Variants in PCNT observed in about 807,000 individuals in gnomAD.
PCNT encodes pericentrin, also known as kendrin.
In PCNT, 319 loss-of-function variants were observed where a neutral mutation model predicts 380.4. That is an observed-to-expected ratio of 0.84 (90% CI 0.77 to 0.92). The LOEUF is 0.92. Ranked by LOEUF, PCNT falls within the 40% of genes least tolerant of loss-of-function variation. The pLI, the probability that PCNT is intolerant of heterozygous loss-of-function variation, is 0.00. For synonymous variants in PCNT, 1,845 were observed against 1,735.2 expected (o/e 1.06, Z -1.57); for missense variants, 4,400 against 4,255.3 (o/e 1.03, Z -0.95).
At chr21:46,417,254 C>G (rs546312844) in intron 30 of PCNT, among the ~76,000 whole-genome samples, 1 of 126,732 alleles carries the variant, frequency 7.9e-6, no homozygotes, top group Non-Finnish European at 1.6e-5. Flanking sequence ...AGTGCAGTGA[C>G]GCAATCTCGG....
At chr21:46,341,628 A>T (rs1334058875) in intron 3 of PCNT, among the ~76,000 whole-genome samples, 9 of 151,910 alleles carry the variant, frequency 5.9e-5, no homozygotes, top group Admixed American at 5.9e-4. Context: ...CGGCCTCCCA[A>T]AGTGCTGGGA....
At chr21:46,329,594 C>CA (rs2083491464) in intron 2 of PCNT, among the ~76,000 whole-genome samples, 1 of 152,172 alleles carries the variant, frequency 6.6e-6, no homozygotes, top group South Asian at 2.1e-4. Flanking sequence ...TGCACACGCA[C>CA]ACTCACTGCA....
chr21:46,441,667 C>T (rs918879910), intron 43 of PCNT, among the ~76,000 whole-genome samples: 10 of 152,162 alleles, frequency 6.6e-5, no homozygotes, highest in African/African-American at 1.9e-4. Flanking sequence ...AGGCCTCCAC[C>T]GTCCATCCTT....
In PCNT at chr21:46,430,044, G is replaced by C; in HGVS notation, c.7725G>C (p.Lys2575Asn). The C allele has an allele frequency of 3.7e-6, 6 of 1,614,232 alleles. No homozygotes were observed. Among genetic ancestry groups the C allele is most frequent in the African/African-American group, 2.7e-5 (2 of 75,064 alleles). The stretch of plus-strand genomic sequence containing the variant: ...TGGCTTATAAAGTAGAGCAGGAGAA[G>C]TGCATTGCTGGTGACTTGCAGAAGA... ...ELLAYKVEQE[K>N]CIAGDLQKTL... Residue 2575 changes from lysine (K) to asparagine (N), a missense_variant, in exon 36 of 47, where the codon AAG (lysine) becomes AAC (asparagine). Transcript: ENST00000359568.
chr21:46,348,970 A>G (rs1336927275), intron 6 of PCNT, 42 bp from the exon 7 acceptor site: 2 of 1,291,678 alleles, frequency 1.5e-6, no homozygotes, highest in Non-Finnish European at 2.2e-6. Flanking sequence ...TTTAGCACAG[A>G]TAATCAACTA....
At chr21:46,378,915 A>C (rs1468376060) in intron 15 of PCNT, among the ~76,000 whole-genome samples, 1 of 151,928 alleles carries the variant, frequency 6.6e-6, no homozygotes. Flanking sequence ...TGTCTTTTAA[A>C]CCAGGAGGAA....
chr21:46,418,487 A>G (rs2087118958), intron 31 of PCNT, among the ~76,000 whole-genome samples, 181 bp downstream of exon 31: 1 of 152,116 alleles, frequency 6.6e-6, no homozygotes, highest in Non-Finnish European at 1.5e-5. Context: ...ACACGCCTGT[A>G]CCTTTCACAG....
At chr21:46,436,945 G>T (rs79780811) in intron 39 of PCNT, 34 bp from the exon 40 acceptor site, 4 of 1,445,786 alleles carry the variant, frequency 2.8e-6, no homozygotes, top group South Asian at 1.1e-5. Context: ...CTTGGGGCGC[G>T]TATGCAACTT....
intron 31 of PCNT, among the ~76,000 whole-genome samples, chr21:46,421,404 C>T (rs77912328): frequency 0.036 from 5,454 of 152,300 alleles, 149 homozygotes; most frequent in Middle Eastern, 0.082. Flanking sequence ...GCGCCCCCCT[C>T]CCTGTGGGCT....
At chr21:46,387,289 C>T (rs2085870706) in intron 17 of PCNT, among the ~76,000 whole-genome samples, 1 of 152,152 alleles carries the variant, frequency 6.6e-6, no homozygotes, top group Admixed American at 6.5e-5. Flanking sequence ...GAGGACCTTG[C>T]CTTCTGTAGC....
chr21:46,366,913 A>G lies in PCNT; in HGVS notation c.2939A>G (p.Gln980Arg). The change falls in exon 15 of 47, where the codon CAG (glutamine) becomes CGG (arginine). Residue 980 changes from glutamine to arginine, a missense_variant. By Grantham distance (43) the Gln-to-Arg change is conservative (BLOSUM62 1). Transcript: ENST00000359568. ...GAATCCTGTTACCTCTCTGAATTTC[A>G]GACCATCCGTGAGGAGCACAGGCAG... ...SLESCYLSEF[Q>R]TIREEHRQAL... 1.2e-6 allele frequency: 2 copies of G among 1,614,234 alleles called. No individual in the cohort carries two copies. The highest frequency in any genetic ancestry group is 1.7e-6 in the Non-Finnish European group (2 of 1,180,038).
intron 24 of PCNT, among the ~76,000 whole-genome samples, chr21:46,399,349 T>G (rs2086338003): frequency 6.6e-6 from 1 of 151,998 alleles, no homozygotes; most frequent in Non-Finnish European, 1.5e-5. Flanking sequence ...CCTGTGGGTC[T>G]AGGTCTCTGT....
At chr21:46,368,862 T>C (rs937065937) in intron 15 of PCNT, among the ~76,000 whole-genome samples, 1 of 152,230 alleles carries the variant, frequency 6.6e-6, no homozygotes, top group African/African-American at 2.4e-5. Flanking sequence ...AACGAGGGAA[T>C]TGCCAGCTTG....
At position 46,389,420 on chromosome 21, in the gene PCNT, T is replaced by G. The variant is rs142654314; in HGVS notation, c.3829T>G (p.Ser1277Ala). The G allele has an allele frequency of 6.2e-7, 1 of 1,613,618 alleles. No individual in the cohort carries two copies. Among genetic ancestry groups the G allele is most frequent in the Non-Finnish European group, 8.5e-7 (1 of 1,179,564 alleles). The stretch of plus-strand genomic sequence containing the variant: ...CGGCCTCATGGAGATGGCCCTGGAC[T>G]CCAGCAGGCAGGTGAGGCCCAGGCT... ...VDGLMEMALD[S>A]SRQLEEARQI... Residue 1277 changes from serine (S) to alanine (A), a missense_variant, in exon 19 of 47, where the codon TCC becomes GCC. By Grantham distance (99) the Ser-to-Ala change is moderately conservative. Coordinates refer to ENST00000359568, the MANE Select transcript of PCNT (RefSeq NM_006031.6).
At position 46,380,734 on chromosome 21, in the gene PCNT, G is replaced by C. The variant is rs151114135; in HGVS notation, c.3166-960G>C. ...CTTCGGATGATTGCAAACCTGACCA[G>C]ATTTCCACAGCTCTGAAAACACTGG... On this transcript the variant is annotated intron_variant, in intron 15 of 46. Coordinates refer to ENST00000359568, the MANE Select transcript of PCNT (RefSeq NM_006031.6). Among the ~76,000 whole-genome samples, 27 of 152,272 alleles carry C rather than the reference G, an allele frequency of 1.8e-4. No homozygotes were observed. In the East Asian group the frequency reaches 5.0e-3, roughly 28 times the overall value.
In PCNT at chr21:46,413,994, C is replaced by CT. The variant is rs5844268; in HGVS notation, c.6150+1017dup. Among the ~76,000 whole-genome samples the CT allele has an allele frequency of 4.4e-4, 61 of 139,018 alleles. 1 individual carries two copies. Among genetic ancestry groups the CT allele is most frequent in the Admixed American group, 1.6e-3 (23 of 14,074 alleles). 91.2% of individuals were successfully genotyped at this position (139,018 alleles called of 152,430 possible). Reference sequence around the variant, plus strand: ...GATGGCACCTTTATTTTTTTTCTCTCTTTTTTTTTTTTTTTGAGACAGAGT... The same window carrying CT: ...GATGGCACCTTTATTTTTTTTCTCTCTTTTTTTTTTTTTTTTGAGACAGAGT... On this transcript the variant is annotated intron_variant, in intron 29 of 46. Transcript: ENST00000359568.
At chr21:46,381,641 A>G in intron 15 of PCNT, 53 bp from the exon 16 acceptor site, 1 of 1,550,776 alleles carries the variant, frequency 6.4e-7, no homozygotes, top group Non-Finnish European at 8.9e-7. Flanking sequence ...CTAACAGCAA[A>G]GAAAGTATTT....
At position 46,397,499 on chromosome 21, in the gene PCNT, G is replaced by T; in HGVS notation, c.4446+5G>T. ...AACCAGCGGCAATTCATGGATGTAA[G>T]AATTCTGAATAATACATTTTTTTGC... On this transcript the variant is annotated splice_donor_5th_base_variant and intron_variant, in intron 22 of 46. Coordinates refer to ENST00000359568, the MANE Select transcript of PCNT (RefSeq NM_006031.6). 6.2e-7 allele frequency: 1 copy of T among 1,607,742 alleles called. No homozygotes were observed.
chr21:46,331,715 A>G (rs914915591), intron 2 of PCNT, among the ~76,000 whole-genome samples: 1 of 152,096 alleles, frequency 6.6e-6, no homozygotes, highest in Non-Finnish European at 1.5e-5. Flanking sequence ...ACAGTGAGCT[A>G]TGGTGGCACC....
Sources: allele counts gnomAD v4.1 joint callset (sites outside exome capture counted in the v4.1 genomes callset), GRCh38; gene constraint gnomAD v4.1.1; transcripts MANE v1.5; gene names NCBI Gene and HGNC (gene_info 2026-07-23, HGNC 2026-07-21).